DOK6: variants seen among roughly 807,000 people sequenced by gnomAD.
DOK6 encodes docking protein 6, also known as downstream of tyrosine kinase 6.
A neutral mutation model predicts 44.0 loss-of-function variants in DOK6; 22 were observed. The observed-to-expected ratio is 0.50, with a 90% CI of 0.36 to 0.71. The LOEUF (loss-of-function observed/expected upper bound fraction) is 0.71, where lower values mean the gene tolerates loss of function less well. Ranked by LOEUF, DOK6 falls within the 30% of genes least tolerant of loss-of-function variation. DOK6 has a pLI of 0.00. For missense variants in DOK6, 340 were observed against 416.4 expected, an observed-to-expected ratio of 0.82 and a Z score of 1.60; for synonymous variants, 166 against 145.5, an observed-to-expected ratio of 1.14 and a Z score of -1.01.
At chr18:69,586,919 TAATAAATAAAG>T (rs1983515486) in intron 2 of DOK6, among the ~76,000 whole-genome samples, 1 of 151,936 alleles carries the variant, frequency 6.6e-6, no homozygotes, top group African/African-American at 2.4e-5. Flanking sequence ...CAAAAATAAA[TAATAAATAAAG>T]AATAAAAAAA....
chr18:69,569,187 G>A (rs1194406398), intron 2 of DOK6, among the ~76,000 whole-genome samples: 3 of 152,090 alleles, frequency 2.0e-5, no homozygotes, highest in Non-Finnish European at 4.4e-5. Flanking sequence ...AATCTAGGCT[G>A]CCAGAAAGGG....
At chr18:69,617,004 T>G (rs1025321686) in intron 3 of DOK6, among the ~76,000 whole-genome samples, 3 of 152,216 alleles carry the variant, frequency 2.0e-5, no homozygotes, top group Non-Finnish European at 4.4e-5. Context: ...TAGAAAATGT[T>G]CTAAACAATT....
At chr18:69,811,070 C>T (rs1048324252) in intron 7 of DOK6, among the ~76,000 whole-genome samples, 1 of 151,728 alleles carries the variant, frequency 6.6e-6, no homozygotes, top group South Asian at 2.1e-4. Flanking sequence ...CAAGAGATGA[C>T]GAATGGATAA....
chr18:69,508,592 A>T (rs184679376), intron 1 of DOK6, among the ~76,000 whole-genome samples: 1 of 152,306 alleles, frequency 6.6e-6, no homozygotes, highest in Non-Finnish European at 1.5e-5. Context: ...GAGTGTGAGG[A>T]TGGAGGTGGA....
intron 5 of DOK6, among the ~76,000 whole-genome samples, chr18:69,705,819 T>G (rs1986619729): frequency 6.6e-6 from 1 of 152,298 alleles, no homozygotes; most frequent in South Asian, 2.1e-4. Flanking sequence ...ACAAACACTG[T>G]TAACGTTTTG....
intron 6 of DOK6, among the ~76,000 whole-genome samples, chr18:69,754,863 CAT>C (rs1037577271): frequency 6.6e-6 from 1 of 152,158 alleles, no homozygotes; most frequent in Non-Finnish European, 1.5e-5. Context: ...AGTGTTTTAA[CAT>C]ATGAATTTGT....
chr18:69,584,933 A>AC (rs1217999457), intron 2 of DOK6, among the ~76,000 whole-genome samples: 1 of 151,848 alleles, frequency 6.6e-6, no homozygotes, highest in African/African-American at 2.4e-5. Context: ...TTCATCCTGT[A>AC]CTTGATTTAT....
intron 7 of DOK6, among the ~76,000 whole-genome samples, chr18:69,811,941 A>T (rs1340568966): frequency 6.6e-6 from 1 of 152,162 alleles, no homozygotes; most frequent in Non-Finnish European, 1.5e-5. Context: ...TCTCTGTGAT[A>T]TATATGATAT....
At chr18:69,484,606 T>C (rs1413720458) in intron 1 of DOK6, among the ~76,000 whole-genome samples, 1 of 152,200 alleles carries the variant, frequency 6.6e-6, no homozygotes, top group East Asian at 1.9e-4. Context: ...CACAACATTT[T>C]TACCCATGGA....
chr18:69,585,332 A>G (rs1291953708), intron 2 of DOK6, among the ~76,000 whole-genome samples: 1 of 151,908 alleles, frequency 6.6e-6, no homozygotes, highest in African/African-American at 2.4e-5. Context: ...TAATTGTATT[A>G]TGGCAATAGG....
At chr18:69,550,214 A>T (rs879558238) in intron 1 of DOK6, among the ~76,000 whole-genome samples, 2,961 of 149,360 alleles carry the variant, frequency 0.02, 65 homozygotes, top group Middle Eastern at 0.035. Flanking sequence ...AAGCAAAGCC[A>T]TCATTTTTAG....
chr18:69,810,765 T>TC (rs967759124), intron 7 of DOK6, among the ~76,000 whole-genome samples: 33 of 151,852 alleles, frequency 2.2e-4, no homozygotes, highest in African/African-American at 7.5e-4. Flanking sequence ...CAATGAGATA[T>TC]CACAATGGTT....
intron 3 of DOK6, among the ~76,000 whole-genome samples, chr18:69,608,041 G>A (rs566865039): frequency 7.9e-5 from 12 of 152,116 alleles, no homozygotes; most frequent in South Asian, 4.2e-4. Flanking sequence ...TTTTTAAGAA[G>A]ACTTAAATTA....
intron 1 of DOK6, among the ~76,000 whole-genome samples, chr18:69,509,988 C>A (rs1048171614): frequency 6.6e-6 from 1 of 152,154 alleles, no homozygotes; most frequent in Non-Finnish European, 1.5e-5. Flanking sequence ...ATCAAACTGT[C>A]CTGTTTTATT....
intron 1 of DOK6, among the ~76,000 whole-genome samples, chr18:69,536,811 AG>A (rs1045698140): frequency 6.6e-6 from 1 of 151,928 alleles, no homozygotes; most frequent in African/African-American, 2.4e-5. Context: ...TCATTTTACA[AG>A]AGAGAATTAG....
At chr18:69,468,689 T>C (rs1303438301) in intron 1 of DOK6, among the ~76,000 whole-genome samples, 1 of 152,230 alleles carries the variant, frequency 6.6e-6, no homozygotes, top group Admixed American at 6.5e-5. Context: ...CACAATGTCA[T>C]ATGATATACA....
intron 7 of DOK6, among the ~76,000 whole-genome samples, chr18:69,804,989 T>A (rs1292552092): frequency 6.6e-6 from 1 of 152,140 alleles, no homozygotes; most frequent in Non-Finnish European, 1.5e-5. Context: ...ACATTTCTGC[T>A]CAGAGAGTAA....
intron 7 of DOK6, among the ~76,000 whole-genome samples, chr18:69,814,899 T>G (rs1440497760): frequency 6.6e-6 from 1 of 152,006 alleles, no homozygotes; most frequent in Non-Finnish European, 1.5e-5. Flanking sequence ...ATATCAGGTG[T>G]CATGCGACTA....
At chr18:69,658,269 A>G (rs972603062) in intron 3 of DOK6, among the ~76,000 whole-genome samples, 54 of 152,230 alleles carry the variant, frequency 3.5e-4, no homozygotes, top group Middle Eastern at 3.4e-3. Context: ...AAGAGCATAG[A>G]CTGGGGCTGG....
Sources: gnomAD v4.1 joint callset for allele counts (sites outside exome capture counted in the v4.1 genomes callset) on GRCh38, gnomAD v4.1.1 for gene constraint, MANE v1.5 for transcripts, NCBI Gene and HGNC (gene_info 2026-07-23, HGNC 2026-07-21) for gene names.